The following CTNNA3 variants were observed in gnomAD, a reference collection of about 807,000 sequenced individuals.
CTNNA3 encodes catenin alpha 3.
In CTNNA3, 76 loss-of-function variants were observed where a neutral mutation model predicts 95.7. That is an observed-to-expected ratio of 0.79 (90% CI 0.66 to 0.96). The LOEUF is 0.96. Ranked by LOEUF, CTNNA3 falls within the 40% of genes least tolerant of loss-of-function variation. The pLI is 0.00. For synonymous variants in CTNNA3, 431 were observed against 374.4 expected, an observed-to-expected ratio of 1.15 and a Z score of -1.74; for missense variants, 1,191 against 1,089.8, an observed-to-expected ratio of 1.09 and a Z score of -1.31.
chr10:66,171,556 A>T (rs867119598), intron 13 of CTNNA3, among the ~76,000 whole-genome samples: 62 of 152,172 alleles, frequency 4.1e-4, no homozygotes, highest in Admixed American at 2.5e-3. Flanking sequence ...AAAAAAAAAA[A>T]AAATTTAATA....
chr10:67,029,125 C>T (rs180983060), intron 7 of CTNNA3, among the ~76,000 whole-genome samples: 3 of 152,324 alleles, frequency 2.0e-5, no homozygotes, highest in Non-Finnish European at 4.4e-5. Flanking sequence ...TGTCTCTCTA[C>T]TGTTCAGCAT....
chr10:66,652,931 C>T (rs1845959396), intron 9 of CTNNA3, among the ~76,000 whole-genome samples: 2 of 152,082 alleles, frequency 1.3e-5, no homozygotes, highest in Non-Finnish European at 2.9e-5. Flanking sequence ...TAACAAAATT[C>T]AATATCCTTT....
At position 66,515,499 on chromosome 10, in the gene CTNNA3, G is replaced by T. The variant is rs7091679; in HGVS notation, c.1531+5118C>A. Reference sequence around the variant, plus strand: ...GTCAATTGATCTACCTGACAAAAGAGGAACCAGAAGTCTCTGAATACAAAA... The same window carrying T: ...GTCAATTGATCTACCTGACAAAAGATGAACCAGAAGTCTCTGAATACAAAA... On this transcript the variant is annotated intron_variant, in intron 11 of 17. Coordinates refer to ENST00000433211, the MANE Select transcript of CTNNA3 (RefSeq NM_013266.4). Among the ~76,000 whole-genome samples the T allele has an allele frequency of 4.1e-3, 618 of 152,128 alleles. 4 individuals carry two copies. The highest frequency in any genetic ancestry group is 0.014 in the African/African-American group (578 of 41,490).
intron 5 of CTNNA3, among the ~76,000 whole-genome samples, chr10:67,490,274 AATT>A (rs1225455908): frequency 7.2e-5 from 11 of 152,232 alleles, no homozygotes; most frequent in South Asian, 2.1e-4. Flanking sequence ...AAAGAAAATA[AATT>A]ATTTTACCAA....
chr10:66,925,741 T>G (rs751107040), intron 7 of CTNNA3, among the ~76,000 whole-genome samples: 2 of 152,234 alleles, frequency 1.3e-5, no homozygotes, highest in South Asian at 2.1e-4. Flanking sequence ...GTCTGTGAAC[T>G]TAATGTCAAG....
chr10:66,156,079 C>A (rs2084492147), intron 13 of CTNNA3, among the ~76,000 whole-genome samples: 1 of 151,818 alleles, frequency 6.6e-6, no homozygotes, highest in African/African-American at 2.4e-5. Context: ...ACACATCCAC[C>A]AGAATAGATT....
intron 7 of CTNNA3, among the ~76,000 whole-genome samples, chr10:66,972,023 C>T (rs1168209979): frequency 6.6e-6 from 1 of 151,792 alleles, no homozygotes; most frequent in Non-Finnish European, 1.5e-5. Flanking sequence ...CCTCATTGTC[C>T]TTGAATCTAT....
At chr10:66,473,888 G>A (rs1239423782) in intron 11 of CTNNA3, among the ~76,000 whole-genome samples, 2 of 151,958 alleles carry the variant, frequency 1.3e-5, no homozygotes, top group African/African-American at 2.4e-5. Context: ...GTGTATATGT[G>A]CCACATTTTC....
chr10:67,480,615 A>T lies in CTNNA3; in HGVS notation c.579+41227T>A, dbSNP rs191324113. Reference sequence around the variant, plus strand: ...CCTTAAGAACATGTTCCTGCTGCAGATAACAAGCCAGAGCCTGTCCCTTTG... The same window carrying T: ...CCTTAAGAACATGTTCCTGCTGCAGTTAACAAGCCAGAGCCTGTCCCTTTG... On this transcript the variant is annotated intron_variant, in intron 5 of 17. Transcript: ENST00000433211. Among the ~76,000 whole-genome samples the T allele has an allele frequency of 2.6e-5, 4 of 152,368 alleles. No homozygotes were observed. In the East Asian group the frequency reaches 7.7e-4, roughly 29 times the overall value.
chr10:67,331,659 T>C (rs1841800056), intron 5 of CTNNA3, among the ~76,000 whole-genome samples: 1 of 152,164 alleles, frequency 6.6e-6, no homozygotes, highest in Non-Finnish European at 1.5e-5. Flanking sequence ...GAGATGAATA[T>C]ATATGTGTTA....
chr10:66,324,060 G>C (rs1019949235), intron 12 of CTNNA3, among the ~76,000 whole-genome samples: 1 of 151,808 alleles, frequency 6.6e-6, no homozygotes, highest in Non-Finnish European at 1.5e-5. Context: ...ACTCACATTC[G>C]CTTGAATTCC....
intron 7 of CTNNA3, among the ~76,000 whole-genome samples, chr10:67,019,292 C>A (rs1404889673): frequency 2.0e-5 from 3 of 152,194 alleles, no homozygotes; most frequent in Non-Finnish European, 4.4e-5. Context: ...TATCTTGGCT[C>A]ACCACAACCT....
At chr10:67,206,675 T>TA (rs1031778646) in intron 6 of CTNNA3, among the ~76,000 whole-genome samples, 2 of 150,350 alleles carry the variant, frequency 1.3e-5, no homozygotes, top group African/African-American at 4.9e-5. Context: ...AAAAAAAAAT[T>TA]AAGAGTTTCC....
rs1843369390 is a variant in CTNNA3 at position 66,586,669 on chromosome 10, C to G, written c.1374+35023G>C. Reference sequence around the variant, plus strand: ...TGAGCTCCCATGAGAGAAGCCCCAGCTCTCTGCAGTGTTGGGTGAGGGGAA... The same window carrying G: ...TGAGCTCCCATGAGAGAAGCCCCAGGTCTCTGCAGTGTTGGGTGAGGGGAA... On this transcript the variant is annotated intron_variant, in intron 10 of 17. Transcript: ENST00000433211. Among the ~76,000 whole-genome samples the G allele has an allele frequency of 1.3e-5, 2 of 152,100 alleles. 1 individual carries two copies. Among genetic ancestry groups the G allele is most frequent in the African/African-American group, 4.8e-5 (2 of 41,408 alleles).
chr10:67,495,654 T>C (rs1295760631), intron 5 of CTNNA3, among the ~76,000 whole-genome samples: 1 of 152,180 alleles, frequency 6.6e-6, no homozygotes, highest in Non-Finnish European at 1.5e-5. Flanking sequence ...AGAGGTGACA[T>C]GGAAGAGGCA....
intron 7 of CTNNA3, among the ~76,000 whole-genome samples, chr10:67,152,791 C>G (rs1861141103): frequency 1.2e-5 from 1 of 86,938 alleles, no homozygotes; most frequent in East Asian, 2.3e-4. Flanking sequence ...TTCAGTAAAC[C>G]TTTATATAGC....
At chr10:67,065,502 C>T in intron 7 of CTNNA3, among the ~76,000 whole-genome samples, 1 of 152,012 alleles carries the variant, frequency 6.6e-6, no homozygotes, top group East Asian at 1.9e-4. Context: ...GCTAGCTTCC[C>T]ACCACATCTG....
intron 13 of CTNNA3, among the ~76,000 whole-genome samples, chr10:66,166,827 G>T (rs538703987): frequency 1.3e-5 from 2 of 152,218 alleles, no homozygotes; most frequent in African/African-American, 4.8e-5. Flanking sequence ...GGCAGAAAAA[G>T]AAAAATATTC....
intron 5 of CTNNA3, among the ~76,000 whole-genome samples, chr10:67,418,863 CA>C (rs1011667584): frequency 2.4e-4 from 36 of 151,044 alleles, no homozygotes; most frequent in Non-Finnish European, 4.3e-4. Context: ...GTTCTCACCA[CA>C]AAAAAAATGA....
Sources: gnomAD v4.1 joint callset for allele counts (sites outside exome capture counted in the v4.1 genomes callset) on GRCh38, gnomAD v4.1.1 for gene constraint, MANE v1.5 for transcripts, NCBI Gene and HGNC (gene_info 2026-07-23, HGNC 2026-07-21) for gene names.